The following RAB7A variants were observed in gnomAD, a reference collection of about 807,000 sequenced individuals.
RAB7A encodes RAB7A, member RAS oncogene family.
In RAB7A, 2 loss-of-function variants were observed where a neutral mutation model predicts 24.5. The ratio of observed to expected loss-of-function variants is 0.08; its 90% CI spans 0.03 to 0.26. RAB7A has a LOEUF of 0.26. Ranked by LOEUF, RAB7A falls within the 10% of genes least tolerant of loss-of-function variation. The pLI is 1.00. For missense variants in RAB7A, 118 were observed against 255.7 expected (o/e 0.46, Z 3.67); for synonymous variants, 100 against 95.9 (o/e 1.04, Z -0.25).
chr3:128,757,179 A>G (rs2070736987), intron 1 of RAB7A, among the ~76,000 whole-genome samples: 1 of 151,930 alleles, frequency 6.6e-6, no homozygotes, highest in Admixed American at 6.6e-5. Flanking sequence ...ACCACCACCT[A>G]TTTCCAGAAC....
At chr3:128,788,714 C>G (rs1407942618) in intron 1 of RAB7A, among the ~76,000 whole-genome samples, 2 of 152,194 alleles carry the variant, frequency 1.3e-5, no homozygotes, top group Non-Finnish European at 2.9e-5. Flanking sequence ...CTTCCTAGCC[C>G]TTCCCTGCTG....
intron 1 of RAB7A, among the ~76,000 whole-genome samples, chr3:128,789,051 G>C (rs1028937052): frequency 6.6e-6 from 1 of 152,208 alleles, no homozygotes; most frequent in Admixed American, 6.5e-5. Flanking sequence ...GCTCTGAGGA[G>C]CTTCTTCCGA....
chr3:128,784,046 G>C (rs143069785), intron 1 of RAB7A, among the ~76,000 whole-genome samples: 2 of 152,224 alleles, frequency 1.3e-5, no homozygotes, highest in African/African-American at 4.8e-5. Flanking sequence ...GTGAATGCAC[G>C]TAACATTCCC....
chr3:128,795,440 G>A lies in RAB7A; in HGVS notation c.53+20G>A. On this transcript the variant is annotated intron_variant, in intron 2 of 5. Coordinates refer to ENST00000265062, the MANE Select transcript of RAB7A (RefSeq NM_004637.6). ...TTCTGGGTAAGTTACTCATGAATTT[G>A]AGCTAACAGATTGGCTTAGAGCTAA... 1.2e-6 allele frequency: 2 copies of A among 1,602,776 alleles called. No individual in the cohort carries two copies. The highest frequency in any genetic ancestry group is 1.7e-6 in the Non-Finnish European group (2 of 1,169,704).
chr3:128,785,849 C>G (rs964383652), intron 1 of RAB7A, among the ~76,000 whole-genome samples: 1 of 152,120 alleles, frequency 6.6e-6, no homozygotes, highest in African/African-American at 2.4e-5. Context: ...ATCCTGCCCC[C>G]CTAGATCCTT....
At chr3:128,792,557 C>T (rs1476192316) in intron 1 of RAB7A, among the ~76,000 whole-genome samples, 1 of 151,676 alleles carries the variant, frequency 6.6e-6, no homozygotes, top group African/African-American at 2.4e-5. Context: ...CAGGTGCGCA[C>T]CACCACACCC....
At chr3:128,771,021 G>C (rs1338997653) in intron 1 of RAB7A, among the ~76,000 whole-genome samples, 1 of 151,114 alleles carries the variant, frequency 6.6e-6, no homozygotes, top group African/African-American at 2.4e-5. Flanking sequence ...CCAGGCTGGA[G>C]TGCAGTGGTA....
chr3:128,770,714 T>C (rs1384125065), intron 1 of RAB7A, among the ~76,000 whole-genome samples: 7 of 152,326 alleles, frequency 4.6e-5, no homozygotes, highest in African/African-American at 4.8e-5. Context: ...CTGTGACTTA[T>C]AGTTTCGTTC....
chr3:128,813,509 C>A lies in RAB7A; in HGVS notation c.*87C>A. 2 of 1,253,370 alleles carry A rather than the reference C, an allele frequency of 1.6e-6. No individual in the cohort carries two copies. Among genetic ancestry groups the A allele is most frequent in the Non-Finnish European group, 2.3e-6 (2 of 858,266 alleles). 77.6% of individuals were successfully genotyped at this position (1,253,370 alleles called of 1,614,324 possible). ...CACAATTCCCCTCTCCTCTTCCAAA[C>A]AAAACATACATTGATCTCTCACATC... On this transcript the variant is annotated 3_prime_UTR_variant, in exon 6 of 6. Transcript: ENST00000265062.
intron 1 of RAB7A, among the ~76,000 whole-genome samples, chr3:128,766,880 T>C (rs933598339): frequency 3.3e-5 from 5 of 152,162 alleles, no homozygotes; most frequent in African/African-American, 1.2e-4. Context: ...GCCAGACTGT[T>C]TTCCAAAATG....
chr3:128,781,141 A>AT (rs1933210244), intron 1 of RAB7A, among the ~76,000 whole-genome samples: 1 of 152,256 alleles, frequency 6.6e-6, no homozygotes, highest in African/African-American at 2.4e-5. Flanking sequence ...TCATGTCTGC[A>AT]TTGACATGGA....
At chr3:128,785,037 C>G (rs1033755964) in intron 1 of RAB7A, 16 of 151,882 alleles carry the variant, frequency 1.1e-4, no homozygotes, top group African/African-American at 3.1e-4. Flanking sequence ...CTTCTACCCC[C>G]CAGGTTCTAG....
At chr3:128,811,825 G>A (rs1466928976) in intron 5 of RAB7A, among the ~76,000 whole-genome samples, 1 of 151,532 alleles carries the variant, frequency 6.6e-6, no homozygotes, top group Non-Finnish European at 1.5e-5. Context: ...CTCCAGCCTG[G>A]GCGACAGAGC....
chr3:128,765,724 G>T (rs767515019), intron 1 of RAB7A, among the ~76,000 whole-genome samples: 12 of 149,310 alleles, frequency 8.0e-5, no homozygotes, highest in Non-Finnish European at 1.5e-4. Context: ...TGCCCTTCCT[G>T]ACTTAATCAC....
chr3:128,764,579 T>G, intron 1 of RAB7A: 1 of 1,408,736 alleles, frequency 7.1e-7, no homozygotes, highest in Middle Eastern at 2.4e-4. Context: ...CCCAATTCTT[T>G]GATGGCTTTC....
intron 1 of RAB7A, among the ~76,000 whole-genome samples, chr3:128,790,329 G>A (rs1002304440): frequency 1.3e-5 from 2 of 152,150 alleles, no homozygotes; most frequent in African/African-American, 4.8e-5. Context: ...GATGAGTGGA[G>A]ATTTTTGTCA....
At chr3:128,800,352 T>A (rs935009889) in intron 3 of RAB7A, among the ~76,000 whole-genome samples, 12 of 152,072 alleles carry the variant, frequency 7.9e-5, no homozygotes, top group Non-Finnish European at 1.3e-4. Context: ...AAATAGAACT[T>A]CTCCAGCTGA....
At chr3:128,810,706 A>G (rs1933905536) in intron 5 of RAB7A, among the ~76,000 whole-genome samples, 1 of 152,194 alleles carries the variant, frequency 6.6e-6, no homozygotes, top group Non-Finnish European at 1.5e-5. Flanking sequence ...CCTTACTCCA[A>G]ATACAGCCAC....
intron 1 of RAB7A, among the ~76,000 whole-genome samples, chr3:128,794,219 T>C (rs1933520906): frequency 6.6e-6 from 1 of 152,228 alleles, no homozygotes; most frequent in Admixed American, 6.5e-5. Flanking sequence ...CTGTTACTCA[T>C]CTCTGTATTT....
Sources: gnomAD v4.1 joint callset for allele counts (sites outside exome capture counted in the v4.1 genomes callset) on GRCh38, gnomAD v4.1.1 for gene constraint, MANE v1.5 for transcripts, NCBI Gene and HGNC (gene_info 2026-07-23, HGNC 2026-07-21) for gene names.